KLF13: variants seen among roughly 807,000 people sequenced by gnomAD.
KLF13 encodes Krueppel-like factor 13.
Under a neutral mutation model 16.7 loss-of-function variants are expected in KLF13, and 8 were observed. The observed-to-expected ratio is 0.48, with a 90% CI of 0.28 to 0.87. The LOEUF (loss-of-function observed/expected upper bound fraction) is 0.87. KLF13 is among the 40% of genes least tolerant of loss of function. The pLI, the probability that KLF13 is intolerant of heterozygous loss-of-function variation, is 0.10. For synonymous variants in KLF13, 245 were observed against 208.4 expected (o/e 1.18, Z -1.51); for missense variants, 447 against 452.2 (o/e 0.99, Z 0.10).
intron 1 of KLF13, among the ~76,000 whole-genome samples, chr15:31,358,822 C>T (rs7168479): frequency 0.83 from 126,235 of 152,220 alleles, 52,452 homozygotes; most frequent in South Asian, 0.88. Flanking sequence ...TGTGTTGGTA[C>T]GCAAGCAGTC....
chr15:31,355,712 G>T (rs1168109798), intron 1 of KLF13, among the ~76,000 whole-genome samples: 1 of 152,052 alleles, frequency 6.6e-6, no homozygotes, highest in Non-Finnish European at 1.5e-5. Context: ...GTATTTTGGG[G>T]GATCATGACA....
chr15:31,338,371 A>G (rs1458623091), intron 1 of KLF13, among the ~76,000 whole-genome samples: 1 of 152,132 alleles, frequency 6.6e-6, no homozygotes, highest in East Asian at 1.9e-4. Flanking sequence ...GTGCTTGTAT[A>G]TGCGCATGCA....
chr15:31,388,059 G>C (rs1358527948), upstream of KLF13, among the ~76,000 whole-genome samples: 4 of 152,224 alleles, frequency 2.6e-5, no homozygotes, highest in East Asian at 5.8e-4. Context: ...TCTGAGACTA[G>C]GTAAGGATGC....
At chr15:31,343,053 C>T (rs2039055430) in intron 1 of KLF13, among the ~76,000 whole-genome samples, 2 of 152,260 alleles carry the variant, frequency 1.3e-5, no homozygotes, top group African/African-American at 4.8e-5. Context: ...CCGCATCCCC[C>T]TGCTGGCCAG....
chr15:31,424,875 T>TCACACACACA (rs71110875), intron 1 of KLF13, among the ~76,000 whole-genome samples: 39,908 of 146,048 alleles, frequency 0.27, 5,867 homozygotes, highest in Non-Finnish European at 0.35. Flanking sequence ...TCTAGAGATT[T>TCACACACACA]CACACACACA....
chr15:31,412,122 G>A (rs1316266216), intron 1 of KLF13, among the ~76,000 whole-genome samples: 1 of 152,184 alleles, frequency 6.6e-6, no homozygotes, highest in Non-Finnish European at 1.5e-5. Flanking sequence ...CCTCTCCTCA[G>A]TGGGATTAGC....
At chr15:31,367,715 A>G (rs1445946340) in intron 1 of KLF13, among the ~76,000 whole-genome samples, 1 of 152,210 alleles carries the variant, frequency 6.6e-6, no homozygotes, top group Non-Finnish European at 1.5e-5. Context: ...GCTAATGACT[A>G]AGAGCAACAA....
At chr15:31,415,996 C>T (rs760138887) in intron 1 of KLF13, among the ~76,000 whole-genome samples, 2 of 151,860 alleles carry the variant, frequency 1.3e-5, no homozygotes, top group Non-Finnish European at 2.9e-5. Context: ...ACATTACTAC[C>T]GACTTTACAG....
At position 31,336,202 on chromosome 15, in the gene KLF13, T is replaced by C. The variant is rs76232296; in HGVS notation, c.577+8413T>C. On this transcript the variant is annotated intron_variant, in intron 1 of 1. Coordinates refer to ENST00000307145, the MANE Select transcript of KLF13 (RefSeq NM_015995.4). The stretch of plus-strand genomic sequence containing the variant: ...CTTTTGGAGCACTGGCAGCTAATGC[T>C]TGGGGGGGCCACCATCCTTTCCCGG... 1.2e-3 allele frequency among the ~76,000 whole-genome samples: 185 copies of C among 152,302 alleles called. 4 individuals carry two copies. In the Middle Eastern group the frequency reaches 0.034, roughly 28 times the overall value.
downstream of KLF13, among the ~76,000 whole-genome samples, chr15:31,379,741 C>CT (rs749969560): frequency 4.3e-4 from 65 of 152,328 alleles, no homozygotes; most frequent in Non-Finnish European, 6.9e-4. Flanking sequence ...GGGTCTGTGG[C>CT]TGACAGGTCC....
At position 31,334,602 on chromosome 15, in the gene KLF13, A is replaced by G. The variant is rs376165016; in HGVS notation, c.577+6813A>G. 3.4e-5 allele frequency among the ~76,000 whole-genome samples: 5 copies of G among 146,364 alleles called. No homozygotes were observed. The South Asian group carries it at 1.1e-3, about 32-fold the overall frequency. On this transcript the variant is annotated intron_variant, in intron 1 of 1. Transcript: ENST00000307145. ...GCCACCGTGCCCAGCTAATTTTTGT[A>G]TTTTTAGTAGAGACGGGGTTTCACC...
intron 1 of KLF13, among the ~76,000 whole-genome samples, chr15:31,365,736 CCCGAGT>C (rs990598841): frequency 2.0e-5 from 3 of 152,120 alleles, no homozygotes; most frequent in African/African-American, 7.2e-5. Flanking sequence ...CATGCCACAG[CCCGAGT>C]CTGAGCTCAG....
intron 1 of KLF13, among the ~76,000 whole-genome samples, chr15:31,424,151 C>T (rs1389942744): frequency 6.6e-6 from 1 of 151,642 alleles, no homozygotes; most frequent in African/African-American, 2.4e-5. Flanking sequence ...GAGAATTCTA[C>T]CAAACACTTA....
chr15:31,328,297 C>A (rs981719871), intron 1 of KLF13, among the ~76,000 whole-genome samples: 1 of 151,782 alleles, frequency 6.6e-6, no homozygotes, highest in Non-Finnish European at 1.5e-5. Flanking sequence ...CACGCAGGGA[C>A]AAGGTTTCCT....
downstream of KLF13, among the ~76,000 whole-genome samples, chr15:31,408,249 T>G (rs7165145): frequency 0.93 from 141,481 of 152,280 alleles, 65,841 homozygotes; most frequent in East Asian, 1. Context: ...TATATAAATT[T>G]CACATATGAA....
At chr15:31,350,075 C>T (rs954374903) in intron 1 of KLF13, among the ~76,000 whole-genome samples, 1 of 152,220 alleles carries the variant, frequency 6.6e-6, no homozygotes, top group Non-Finnish European at 1.5e-5. Context: ...GAGTGAAGCC[C>T]TAGAGAAAAT....
intron 1 of KLF13, among the ~76,000 whole-genome samples, chr15:31,344,756 G>A (rs904344917): frequency 5.9e-5 from 9 of 152,228 alleles, no homozygotes; most frequent in African/African-American, 1.9e-4. Context: ...AAAATCTCCT[G>A]GAATCCAGTG....
chr15:31,335,836 C>T (rs577793113), intron 1 of KLF13, among the ~76,000 whole-genome samples: 9 of 152,174 alleles, frequency 5.9e-5, no homozygotes, highest in East Asian at 1.9e-4. Flanking sequence ...GGCACAGGCT[C>T]GTCTCCTTGA....
chr15:31,423,095 A>ATATACGTATACG (rs1346095011), intron 1 of KLF13, among the ~76,000 whole-genome samples: 2 of 139,430 alleles, frequency 1.4e-5, no homozygotes, highest in Non-Finnish European at 1.5e-5. Flanking sequence ...ATATACGTAT[A>ATATACGTATACG]TATACGTATA....
Sources: allele counts gnomAD v4.1 joint callset (sites outside exome capture counted in the v4.1 genomes callset), GRCh38; gene constraint gnomAD v4.1.1; transcripts MANE v1.5; gene names NCBI Gene and HGNC (gene_info 2026-07-23, HGNC 2026-07-21).